Variants in MARCHF1 observed in about 807,000 individuals in gnomAD.
MARCHF1 encodes the protein membrane associated ring-CH-type finger 1.
MARCHF1 carries 40 observed loss-of-function variants against 54.2 expected under a neutral mutation model. The observed-to-expected ratio is 0.74, with a 90% CI of 0.57 to 0.96. The LOEUF (loss-of-function observed/expected upper bound fraction) is 0.96, where lower values mean the gene tolerates loss of function less well. Ranked by LOEUF, MARCHF1 falls within the 40% of genes least tolerant of loss-of-function variation. The probability of loss-of-function intolerance (pLI) is 0.00; values close to 1 mark genes in which losing one functional copy is unlikely to be tolerated. For synonymous variants in MARCHF1, 236 were observed against 236.3 expected (o/e 1.00, Z 0.01); for missense variants, 586 against 656.5 (o/e 0.89, Z 1.17).
chr4:163,965,578 G>A lies in MARCHF1; in HGVS notation c.-39+22923C>T, dbSNP rs186760300. On this transcript the variant is annotated intron_variant, in intron 3 of 9. Coordinates refer to ENST00000514618, the MANE Select transcript of MARCHF1 (RefSeq NM_001394959.1). ...TAGGAGCTCCCAAAGGCAGCATCAA[G>A]GACCCAGACTTATCTCTGTCTTGTC... Among the ~76,000 whole-genome samples, 826 of 152,062 alleles carry A rather than the reference G, an allele frequency of 5.4e-3. 7 individuals carry two copies. The highest frequency in any genetic ancestry group is 7.5e-3 in the Non-Finnish European group (508 of 67,950).
intron 8 of MARCHF1, among the ~76,000 whole-genome samples, chr4:163,572,915 G>C (rs1739889611): frequency 6.6e-6 from 1 of 152,074 alleles, no homozygotes; most frequent in Non-Finnish European, 1.5e-5. Context: ...TGGCTGTCTA[G>C]TTTGAAATAA....
At position 164,299,396 on chromosome 4, in the gene MARCHF1, T is replaced by C. The variant is rs1734493829; in HGVS notation, c.-323+84474A>G. Among the ~76,000 whole-genome samples the C allele has an allele frequency of 1.3e-5, 2 of 152,160 alleles. 1 individual carries two copies. The highest frequency in any genetic ancestry group is 4.1e-4 in the South Asian group (2 of 4,824). ...GAATTACTGTAATGGAAGGAAATCA[T>C]TGAATCCAAAAGCAGCAGGCCTTTA... On this transcript the variant is annotated intron_variant, in intron 1 of 9. Transcript: ENST00000514618.
intron 9 of MARCHF1, among the ~76,000 whole-genome samples, chr4:163,538,283 A>C (rs1738605551): frequency 6.6e-6 from 1 of 151,920 alleles, no homozygotes. Context: ...ACAGTATTTA[A>C]AAAACTTGAA....
intron 4 of MARCHF1, among the ~76,000 whole-genome samples, chr4:163,717,240 T>A (rs1745292820): frequency 6.8e-6 from 1 of 147,858 alleles, no homozygotes; most frequent in African/African-American, 2.5e-5. Context: ...AGTGAGAACA[T>A]GCGGTGTTTG....
intron 2 of MARCHF1, among the ~76,000 whole-genome samples, chr4:164,069,876 C>T (rs1754825975): frequency 6.6e-6 from 1 of 152,152 alleles, no homozygotes; most frequent in Non-Finnish European, 1.5e-5. Context: ...GGTGCCCTAT[C>T]AATGGTATAT....
intron 5 of MARCHF1, among the ~76,000 whole-genome samples, chr4:163,614,366 T>C (rs1005353221): frequency 6.6e-6 from 1 of 152,018 alleles, no homozygotes; most frequent in Non-Finnish European, 1.5e-5. Context: ...AACTGAAAAA[T>C]TGGGGCTGCT....
intron 4 of MARCHF1, among the ~76,000 whole-genome samples, chr4:163,815,733 G>A (rs1466704116): frequency 6.6e-6 from 1 of 152,112 alleles, no homozygotes; most frequent in South Asian, 2.1e-4. Flanking sequence ...CATTTTTAAT[G>A]CTTGTTCTAT....
intron 1 of MARCHF1, among the ~76,000 whole-genome samples, chr4:164,241,876 T>G (rs950079446): frequency 6.6e-6 from 1 of 152,150 alleles, no homozygotes; most frequent in African/African-American, 2.4e-5. Context: ...GGATGGCACC[T>G]GGAAAATCAG....
chr4:163,913,205 T>C (rs573388091), intron 3 of MARCHF1, among the ~76,000 whole-genome samples: 61 of 152,346 alleles, frequency 4.0e-4, no homozygotes, highest in African/African-American at 1.4e-3. Context: ...AGCCTCGTTA[T>C]GTGTTTGCGT....
chr4:164,214,917 T>C lies in MARCHF1; in HGVS notation c.-322-103255A>G, dbSNP rs566292070. Among the ~76,000 whole-genome samples the C allele has an allele frequency of 2.1e-3, 323 of 152,254 alleles. 1 individual carries two copies. The highest frequency in any genetic ancestry group is 6.4e-3 in the Admixed American group (98 of 15,292). ...GGCGTGCGATGGGGCTGTGGCTCGCTTCCTCAGTGCCCCCGCCGCTCAAAC... is the reference window on the plus strand; with the variant it reads ...GGCGTGCGATGGGGCTGTGGCTCGCCTCCTCAGTGCCCCCGCCGCTCAAAC... On this transcript the variant is annotated intron_variant, in intron 1 of 9. Coordinates refer to ENST00000514618, the MANE Select transcript of MARCHF1 (RefSeq NM_001394959.1).
chr4:163,853,918 T>C, intron 4 of MARCHF1, 103 bp downstream of exon 4: 2 of 1,009,746 alleles, frequency 2.0e-6, no homozygotes, highest in African/African-American at 1.6e-5. Context: ...CAAATACTGT[T>C]GTAAACAACG....
At chr4:163,604,259 C>T (rs1223115158) in intron 7 of MARCHF1, among the ~76,000 whole-genome samples, 1 of 152,070 alleles carries the variant, frequency 6.6e-6, no homozygotes, top group Middle Eastern at 3.2e-3. Flanking sequence ...TTGTCTTGCA[C>T]CTCAAACTAC....
chr4:163,943,304 G>T (rs1015058918), intron 3 of MARCHF1, among the ~76,000 whole-genome samples: 1 of 152,056 alleles, frequency 6.6e-6, no homozygotes, highest in African/African-American at 2.4e-5. Context: ...TGTCTTCCAG[G>T]GATTTTGTAG....
chr4:164,224,244 T>A (rs1041548538), intron 1 of MARCHF1, among the ~76,000 whole-genome samples: 1 of 958 alleles, frequency 1.0e-3, no homozygotes. Context: ...TATTATGAGT[T>A]TTTTTTTTTG....
intron 3 of MARCHF1, among the ~76,000 whole-genome samples, chr4:163,895,244 CTATT>C (rs1436343056): frequency 3.9e-5 from 6 of 152,288 alleles, no homozygotes; most frequent in African/African-American, 7.2e-5. Context: ...ATTAAGATGT[CTATT>C]TATGCAATTA....
intron 1 of MARCHF1, among the ~76,000 whole-genome samples, chr4:164,226,578 G>A (rs1560962597): frequency 1.3e-5 from 2 of 151,874 alleles, no homozygotes; most frequent in Non-Finnish European, 2.9e-5. Flanking sequence ...TAAAATATGT[G>A]TAATAAAAGA....
chr4:163,540,586 A>G (rs12510372), intron 9 of MARCHF1, among the ~76,000 whole-genome samples: 64,323 of 152,134 alleles, frequency 0.42, 14,488 homozygotes, highest in Admixed American at 0.56. Context: ...TTATATAGCC[A>G]TGTTTCAATC....
chr4:163,539,258 T>C (rs1298238950), intron 9 of MARCHF1, among the ~76,000 whole-genome samples: 1 of 152,118 alleles, frequency 6.6e-6, no homozygotes, highest in Non-Finnish European at 1.5e-5. Context: ...TGACCTTAAG[T>C]GATCTGCCCA....
intron 3 of MARCHF1, among the ~76,000 whole-genome samples, chr4:163,925,012 T>G (rs945961058): frequency 1.3e-5 from 2 of 151,764 alleles, no homozygotes; most frequent in Non-Finnish European, 3.0e-5. Flanking sequence ...TAGTTTAAAA[T>G]AGATTTTTAA....
Sources: gnomAD v4.1 joint callset for allele counts (sites outside exome capture counted in the v4.1 genomes callset) on GRCh38, gnomAD v4.1.1 for gene constraint, MANE v1.5 for transcripts, NCBI Gene and HGNC (gene_info 2026-07-23, HGNC 2026-07-21) for gene names.